The following NFASC variants were observed in gnomAD, a reference collection of about 807,000 sequenced individuals.
NFASC encodes the protein neurofascin homolog.
NFASC carries 43 observed loss-of-function variants against 147.5 expected under a neutral mutation model. The ratio of observed to expected loss-of-function variants is 0.29; its 90% CI spans 0.23 to 0.38. The LOEUF (loss-of-function observed/expected upper bound fraction) is 0.38, where lower values mean the gene tolerates loss of function less well. Among genes scored for constraint, NFASC ranks in the 10% least tolerant of loss-of-function variants. The pLI is 1.00. For synonymous variants in NFASC, 622 were observed against 665.5 expected (o/e 0.93, Z 1.01); for missense variants, 1,320 against 1,689.0 (o/e 0.78, Z 3.83).
Position 205,014,431 on chromosome 1 carries a change from T to C in NFASC, c.3491+1565T>C, listed in dbSNP as rs1015397763. Among the ~76,000 whole-genome samples the C allele has an allele frequency of 6.6e-5, 10 of 152,236 alleles. No individual in the cohort carries two copies. In the East Asian group the frequency reaches 7.7e-4, roughly 12 times the overall value. Reference sequence around the variant, plus strand: ...GAAAGAACTAAGTTTCTAGAGAGGATAGGCCTAGGGGCGAGGAGTGCTGTT... The same window carrying C: ...GAAAGAACTAAGTTTCTAGAGAGGACAGGCCTAGGGGCGAGGAGTGCTGTT... On this transcript the variant is annotated intron_variant, in intron 29 of 29. Coordinates refer to ENST00000339876, the MANE Select transcript of NFASC (RefSeq NM_001005388.3).
chr1:204,852,254 T>C (rs556618081), intron 1 of NFASC, among the ~76,000 whole-genome samples: 1 of 152,306 alleles, frequency 6.6e-6, no homozygotes, highest in East Asian at 1.9e-4. Context: ...ATCTCAGCAC[T>C]TTGGGAGGCT....
In NFASC at chr1:204,912,889, G is replaced by A. The variant is rs144240487; in HGVS notation, c.-199-7743G>A. On this transcript the variant is annotated intron_variant, in intron 1 of 29. Coordinates refer to ENST00000339876, the MANE Select transcript of NFASC (RefSeq NM_001005388.3). ...AAAATAATTTAAAAATTAGCTAAGCGTGGTGGCACGTGCCTATAATCCCAG... is the reference window on the plus strand; with the variant it reads ...AAAATAATTTAAAAATTAGCTAAGCATGGTGGCACGTGCCTATAATCCCAG... Among the ~76,000 whole-genome samples, 515 of 151,864 alleles carry A rather than the reference G, an allele frequency of 3.4e-3. 11 individuals are homozygous for A. The highest frequency in any genetic ancestry group is 0.012 in the East Asian group (63 of 5,152).
At chr1:205,011,739 G>A (rs1215463924) in intron 28 of NFASC, among the ~76,000 whole-genome samples, 1 of 152,144 alleles carries the variant, frequency 6.6e-6, no homozygotes, top group Non-Finnish European at 1.5e-5. Flanking sequence ...TCAACGGTTC[G>A]GTTTCCCTCA....
intron 3 of NFASC, among the ~76,000 whole-genome samples, chr1:204,949,215 C>G (rs1039320953): frequency 3.3e-5 from 5 of 152,294 alleles, no homozygotes; most frequent in Admixed American, 2.0e-4. Context: ...ACGGCAGGGC[C>G]CTTGTCCTGC....
intron 1 of NFASC, among the ~76,000 whole-genome samples, chr1:204,858,021 G>A (rs1444742066): frequency 6.6e-6 from 1 of 150,378 alleles, no homozygotes; most frequent in Admixed American, 6.7e-5. Flanking sequence ...CGGGGTTCAA[G>A]CAATTCTCCT....
intron 1 of NFASC, among the ~76,000 whole-genome samples, chr1:204,847,562 C>T (rs2075290863): frequency 6.6e-6 from 1 of 152,230 alleles, no homozygotes; most frequent in Admixed American, 6.5e-5. Context: ...AGAGACTCCT[C>T]CTGGCTCTTT....
At chr1:204,843,826 C>T (rs894620398) in intron 1 of NFASC, among the ~76,000 whole-genome samples, 1 of 152,110 alleles carries the variant, frequency 6.6e-6, no homozygotes. Context: ...ATTCTCCTGC[C>T]TTAGCCTCCC....
At chr1:204,982,713 A>AGGCTGCTAAACAAAGCAGGGGTGTC in intron 21 of NFASC, among the ~76,000 whole-genome samples, 1 of 152,356 alleles carries the variant, frequency 6.6e-6, no homozygotes, top group East Asian at 1.9e-4. Flanking sequence ...TCAATCCTGT[A>AGGCTGCTAAACAAAGCAGGGGTGTC]GGCTGCTAAA....
chr1:205,014,366 G>A (rs1326049682), intron 29 of NFASC, among the ~76,000 whole-genome samples: 1 of 152,228 alleles, frequency 6.6e-6, no homozygotes, highest in Non-Finnish European at 1.5e-5. Context: ...ATGAGTCTAA[G>A]AGCCCTAACC....
intron 8 of NFASC, among the ~76,000 whole-genome samples, chr1:204,959,901 A>G (rs769862014): frequency 7.9e-5 from 12 of 152,380 alleles, no homozygotes; most frequent in Non-Finnish European, 1.5e-4. Flanking sequence ...TAGGTCCTCT[A>G]TTCCACTGAA....
chr1:204,834,893 C>T (rs1395852906), intron 1 of NFASC, among the ~76,000 whole-genome samples: 1 of 152,026 alleles, frequency 6.6e-6, no homozygotes, highest in East Asian at 1.9e-4. Context: ...TTTCTGCCTG[C>T]CCCACCCAGC....
chr1:205,012,946 C>T (rs892508976), intron 29 of NFASC, 80 bp downstream of exon 29: 18 of 1,026,604 alleles, frequency 1.8e-5, no homozygotes, highest in South Asian at 3.9e-5. Flanking sequence ...AGAGTAGCTC[C>T]GCTTGGCTGA....
At chr1:204,992,741 C>T (rs765563387) in intron 24 of NFASC, among the ~76,000 whole-genome samples, 1 of 152,188 alleles carries the variant, frequency 6.6e-6, no homozygotes, top group Non-Finnish European at 1.5e-5. Flanking sequence ...AGCAGCTCCC[C>T]GTCCACCTCC....
chr1:204,877,756 G>A (rs113699037), intron 1 of NFASC, among the ~76,000 whole-genome samples: 2,978 of 152,248 alleles, frequency 0.02, 118 homozygotes, highest in African/African-American at 0.068. Context: ...TGTGAGTAAC[G>A]CTGTCATAAA....
intron 16 of NFASC, chr1:204,977,030 G>T: frequency 7.7e-7 from 1 of 1,298,460 alleles, no homozygotes; most frequent in Non-Finnish European, 9.8e-7. Flanking sequence ...CGTCTCAACT[G>T]AAAGGGGCCT....
chr1:204,834,908 C>T (rs954922114), intron 1 of NFASC, among the ~76,000 whole-genome samples: 1 of 152,104 alleles, frequency 6.6e-6, no homozygotes, highest in African/African-American at 2.4e-5. Flanking sequence ...CCCAGCCCCT[C>T]GTACTTAGCT....
At chr1:204,988,110 G>A (rs895290645) in intron 22 of NFASC, among the ~76,000 whole-genome samples, 1 of 152,220 alleles carries the variant, frequency 6.6e-6, no homozygotes. Context: ...AGTAGGTAAC[G>A]TACCTCGTTA....
intron 27 of NFASC, among the ~76,000 whole-genome samples, chr1:205,005,519 C>T (rs758465441): frequency 1.3e-5 from 2 of 152,182 alleles, no homozygotes; most frequent in South Asian, 2.1e-4. Flanking sequence ...CAAGTGTAAA[C>T]GCACCCTGGT....
At chr1:204,850,262 TG>T (rs972606433) in intron 1 of NFASC, among the ~76,000 whole-genome samples, 6 of 152,256 alleles carry the variant, frequency 3.9e-5, no homozygotes, top group African/African-American at 1.4e-4. Context: ...TAGCTTGTAA[TG>T]GCAGCTGTCT....
Sources: gnomAD v4.1 joint callset for allele counts (sites outside exome capture counted in the v4.1 genomes callset) on GRCh38, gnomAD v4.1.1 for gene constraint, MANE v1.5 for transcripts, NCBI Gene and HGNC (gene_info 2026-07-23, HGNC 2026-07-21) for gene names.